COL11A1: variants seen among roughly 807,000 people sequenced by gnomAD.
COL11A1 encodes the protein collagen type XI alpha 1 chain, also known as collagen alpha-1(XI) chain.
In COL11A1, 74 loss-of-function variants were observed where a neutral mutation model predicts 265.2. That is an observed-to-expected ratio of 0.28 (90% CI 0.23 to 0.34). COL11A1 has a LOEUF of 0.34. Ranked by LOEUF, COL11A1 falls within the 10% of genes least tolerant of loss-of-function variation. The probability of loss-of-function intolerance (pLI) is 1.00; values close to 1 mark genes in which losing one functional copy is unlikely to be tolerated. For synonymous variants in COL11A1, 816 were observed against 727.6 expected, an observed-to-expected ratio of 1.12 and a Z score of -1.96; for missense variants, 2,165 against 2,263.6, an observed-to-expected ratio of 0.96 and a Z score of 0.88.
At chr1:103,099,457 A>G (rs1195800150) in intron 1 of COL11A1, among the ~76,000 whole-genome samples, 1 of 144,988 alleles carries the variant, frequency 6.9e-6, no homozygotes, top group Non-Finnish European at 1.5e-5. Flanking sequence ...TCCATACATT[A>G]TATATATGGA....
chr1:102,879,099 C>T (rs1649910524), intron 66 of COL11A1, among the ~76,000 whole-genome samples: 1 of 152,058 alleles, frequency 6.6e-6, no homozygotes, highest in South Asian at 2.1e-4. Context: ...TGTGACTTCT[C>T]TTCAGTCATC....
At chr1:102,970,650 C>T (rs1278080997) in intron 36 of COL11A1, among the ~76,000 whole-genome samples, 2 of 152,034 alleles carry the variant, frequency 1.3e-5, no homozygotes, top group East Asian at 1.9e-4. Context: ...ATTCAATTCC[C>T]GGTGCATCAA....
At chr1:103,020,967 C>T (rs1295877057) in intron 9 of COL11A1, among the ~76,000 whole-genome samples, 8 of 142,408 alleles carry the variant, frequency 5.6e-5, no homozygotes, top group East Asian at 2.1e-4. Context: ...TCAGAAATAA[C>T]GCTGCATATC....
intron 4 of COL11A1, among the ~76,000 whole-genome samples, chr1:103,072,645 T>A (rs940313318): frequency 4.0e-5 from 6 of 151,788 alleles, no homozygotes; most frequent in Non-Finnish European, 5.9e-5. Context: ...TGAACTAATT[T>A]TACAAAATGG....
chr1:102,945,874 A>G (rs1299649488), intron 42 of COL11A1, among the ~76,000 whole-genome samples: 2 of 152,054 alleles, frequency 1.3e-5, no homozygotes, highest in Admixed American at 1.3e-4. Flanking sequence ...AGACACATGC[A>G]CACGTATGTT....
intron 53 of COL11A1, among the ~76,000 whole-genome samples, chr1:102,912,635 A>G (rs1763361): frequency 0.028 from 4,312 of 152,256 alleles, 216 homozygotes; most frequent in African/African-American, 0.098. Flanking sequence ...AGTTGTATAT[A>G]ACATACTGAT....
chr1:102,928,510 T>C (rs893382138), intron 46 of COL11A1, among the ~76,000 whole-genome samples: 6 of 152,194 alleles, frequency 3.9e-5, no homozygotes, highest in Non-Finnish European at 8.8e-5. Flanking sequence ...TTGTTGGACA[T>C]TTGGGTTGGT....
chr1:102,879,675 A>T lies in COL11A1; in HGVS notation c.5274+8T>A, dbSNP rs1649981378. ...CTGTGAAGGGAGACAAGCAGAACTT[A>T]TACTCACCGCACAACCATCATACAG... On this transcript the variant is annotated splice_region_variant and intron_variant, in intron 66 of 66. Coordinates refer to ENST00000370096, the MANE Select transcript of COL11A1 (RefSeq NM_001854.4). 2 of 1,610,648 alleles carry T rather than the reference A, an allele frequency of 1.2e-6. No homozygotes were observed. Among genetic ancestry groups the T allele is most frequent in the Non-Finnish European group, 8.5e-7 (1 of 1,177,396 alleles).
rs571550598 is a variant in COL11A1 at position 102,950,157 on chromosome 1, T to A, written c.3169-3201A>T. Among the ~76,000 whole-genome samples the A allele has an allele frequency of 6.6e-5, 10 of 152,124 alleles. No individual in the cohort carries two copies. The East Asian group carries it at 1.9e-3, about 30-fold the overall frequency. On this transcript the variant is annotated intron_variant, in intron 41 of 66. Coordinates refer to ENST00000370096, the MANE Select transcript of COL11A1 (RefSeq NM_001854.4). ...AAATACAAAAATTATCTGGGTGTAG[T>A]GGCATGCACCTATAGTCAGCTACTC...
chr1:103,107,883 G>A (rs751043330), intron 1 of COL11A1, among the ~76,000 whole-genome samples, 190 bp downstream of exon 1: 2 of 151,038 alleles, frequency 1.3e-5, no homozygotes, highest in Non-Finnish European at 2.9e-5. Context: ...TTATTGTCCC[G>A]CCTACATTCA....
At chr1:103,092,609 G>T (rs970013590) in intron 1 of COL11A1, among the ~76,000 whole-genome samples, 2 of 152,032 alleles carry the variant, frequency 1.3e-5, no homozygotes, top group African/African-American at 2.4e-5. Context: ...TCATTTGTTA[G>T]CCACCTCCTG....
intron 14 of COL11A1, among the ~76,000 whole-genome samples, chr1:103,010,276 T>C (rs1164512170): frequency 1.3e-5 from 2 of 152,180 alleles, no homozygotes; most frequent in Non-Finnish European, 2.9e-5. Flanking sequence ...TTTTAGACTA[T>C]AGAATTAAGA....
chr1:102,974,698 C>A lies in COL11A1; in HGVS notation c.2808+132G>T, dbSNP rs1570916680. The A allele has an allele frequency of 2.0e-5, 14 of 704,018 alleles. No homozygotes were observed. In the East Asian group the frequency reaches 3.9e-4, roughly 20 times the overall value. The allele number at this position is 704,018 out of a possible 1,614,324, so 43.6% of individuals were successfully genotyped here. On this transcript the variant is annotated intron_variant, in intron 36 of 66. Transcript: ENST00000370096. ...CTTATAAATTAAAAATGTCTACTTT[C>A]TTTGACATCAATTGTAATTTTACAG...
At chr1:103,050,381 A>G (rs1571155581) in intron 4 of COL11A1, among the ~76,000 whole-genome samples, 1 of 152,028 alleles carries the variant, frequency 6.6e-6, no homozygotes, top group South Asian at 2.1e-4. Flanking sequence ...CCTTTCTTCC[A>G]GTTGATCGCA....
intron 9 of COL11A1, among the ~76,000 whole-genome samples, chr1:103,019,883 C>T (rs1247466172): frequency 6.7e-6 from 1 of 150,334 alleles, no homozygotes; most frequent in Non-Finnish European, 1.5e-5. Context: ...ATGATGGTTT[C>T]CAATTTCATC....
chr1:103,100,181 G>A (rs1217522798), intron 1 of COL11A1: 1 of 151,782 alleles, frequency 6.6e-6, no homozygotes, highest in East Asian at 1.9e-4. Context: ...AAAAGCTTTT[G>A]GATAATCAAC....
chr1:103,087,442 A>G (rs1023752554), intron 1 of COL11A1, among the ~76,000 whole-genome samples: 1 of 152,058 alleles, frequency 6.6e-6, no homozygotes, highest in African/African-American at 2.4e-5. Flanking sequence ...CCTTCAAAGA[A>G]CCCCACTGGC....
intron 36 of COL11A1, among the ~76,000 whole-genome samples, chr1:102,971,604 C>T (rs556523635): frequency 6.6e-6 from 1 of 152,068 alleles, no homozygotes; most frequent in Non-Finnish European, 1.5e-5. Flanking sequence ...GTATGAAAAA[C>T]AGGCTTTGTT....
intron 4 of COL11A1, among the ~76,000 whole-genome samples, chr1:103,036,322 GTATATA>G (rs3056958): frequency 0.49 from 68,244 of 140,154 alleles, 18,230 homozygotes; most frequent in South Asian, 0.73. Context: ...AGTTGCTATC[GTATATA>G]TATATATATA....
Sources: allele counts gnomAD v4.1 joint callset (sites outside exome capture counted in the v4.1 genomes callset), GRCh38; gene constraint gnomAD v4.1.1; transcripts MANE v1.5; gene names NCBI Gene and HGNC (gene_info 2026-07-23, HGNC 2026-07-21).